The following ARHGEF26 variants were observed in gnomAD, a reference collection of about 807,000 sequenced individuals.
The protein encoded by ARHGEF26 is Rho guanine nucleotide exchange factor (GEF) 26.
A neutral mutation model predicts 89.4 loss-of-function variants in ARHGEF26; 59 were observed. That is an observed-to-expected ratio of 0.66 (90% CI 0.54 to 0.82). The LOEUF is 0.82. Among genes scored for constraint, ARHGEF26 ranks in the 40% least tolerant of loss-of-function variants. ARHGEF26 has a pLI of 0.00. For synonymous variants in ARHGEF26, 500 were observed against 428.4 expected, an observed-to-expected ratio of 1.17 and a Z score of -2.06; for missense variants, 1,234 against 1,085.6, an observed-to-expected ratio of 1.14 and a Z score of -1.92.
At chr3:154,186,096 T>C (rs1451073269) in intron 6 of ARHGEF26, among the ~76,000 whole-genome samples, 1 of 151,456 alleles carries the variant, frequency 6.6e-6, no homozygotes, top group African/African-American at 2.4e-5. Context: ...TCTTCTGTTT[T>C]GGTTCAAGTA....
At chr3:154,204,802 T>G (rs764599642) in intron 9 of ARHGEF26, among the ~76,000 whole-genome samples, 1 of 152,218 alleles carries the variant, frequency 6.6e-6, no homozygotes, top group African/African-American at 2.4e-5. Context: ...AGCATATTTT[T>G]TAATTTCTAT....
intron 6 of ARHGEF26, among the ~76,000 whole-genome samples, chr3:154,171,455 G>T (rs753070701): frequency 3.3e-5 from 5 of 152,172 alleles, no homozygotes; most frequent in Admixed American, 6.5e-5. Flanking sequence ...AATGGCATGT[G>T]TTCATCATTA....
intron 4 of ARHGEF26, among the ~76,000 whole-genome samples, chr3:154,135,019 G>A (rs964670407): frequency 2.0e-5 from 3 of 152,108 alleles, no homozygotes; most frequent in African/African-American, 7.2e-5. Context: ...TGTTCATTAA[G>A]GATATTGGCT....
At chr3:154,240,662 A>G in intron 12 of ARHGEF26, 83 bp downstream of exon 12, 1 of 1,248,570 alleles carries the variant, frequency 8.0e-7, no homozygotes, top group South Asian at 1.5e-5. Flanking sequence ...CTTCCTAAAA[A>G]CAGCAGCTAC....
intron 8 of ARHGEF26, among the ~76,000 whole-genome samples, chr3:154,191,741 G>A (rs1713971404): frequency 1.3e-5 from 2 of 152,144 alleles, no homozygotes; most frequent in African/African-American, 2.4e-5. Context: ...CATTAGGCAT[G>A]TGACCTTGAG....
At chr3:154,254,089 G>A (rs1718329873) in intron 13 of ARHGEF26, among the ~76,000 whole-genome samples, 1 of 152,078 alleles carries the variant, frequency 6.6e-6, no homozygotes, top group Non-Finnish European at 1.5e-5. Flanking sequence ...CTAATTTTTT[G>A]TATTTTTAGT....
chr3:154,225,946 A>G lies in ARHGEF26; in HGVS notation c.2026A>G (p.Thr676Ala). The change falls in exon 11 of 15, where the codon ACA becomes GCA. Residue 676 changes from threonine (T) to alanine (A), a missense_variant. Thr to Ala is a moderately conservative substitution (Grantham distance 58, BLOSUM62 0). Transcript: ENST00000465093. ...AGACACTGTGCTTTTCTCAAGAAGG[A>G]CATCCAAACAGCAAGTCTACTTCTT... is the stretch of plus-strand genomic sequence containing the variant. ...VEDTVLFSRR[T>A]SKQQVYFFLF... 1 of 1,613,448 alleles carries G rather than the reference A, an allele frequency of 6.2e-7. No individual in the cohort carries two copies. Among genetic ancestry groups the G allele is most frequent in the Non-Finnish European group, 8.5e-7 (1 of 1,179,632 alleles).
chr3:154,122,817 C>T lies in ARHGEF26; in HGVS notation c.825C>T (p.Leu275=), dbSNP rs779100321. ...AAAATGTGGAGCCCCACAAGAGACTCCTCAAGGTGCGCAGCATGGTGGAGG... is the reference window on the plus strand; with the variant it reads ...AAAATGTGGAGCCCCACAAGAGACTTCTCAAGGTGCGCAGCATGGTGGAGG... ...NNQNVEPHKR[L]LKVRSMVEGL... is the part of the protein sequence containing the mutation. The change falls in exon 2 of 15, where the codon CTC becomes CTT. Residue 275 remains leucine, a synonymous_variant. Coordinates refer to ENST00000465093, the MANE Select transcript of ARHGEF26 (RefSeq NM_015595.4). 6.2e-7 allele frequency: 1 copy of T among 1,612,438 alleles called. No individual in the cohort carries two copies. The highest frequency in any genetic ancestry group is 1.1e-5 in the South Asian group (1 of 90,706).
At chr3:154,130,162 T>TTTTTTTG (rs1240035123) in intron 4 of ARHGEF26, among the ~76,000 whole-genome samples, 2 of 148,796 alleles carry the variant, frequency 1.3e-5, no homozygotes, top group African/African-American at 5.0e-5. Context: ...TTTTTTTTTT[T>TTTTTTTG]TTGAGATGAG....
intron 7 of ARHGEF26, among the ~76,000 whole-genome samples, chr3:154,188,839 A>G (rs1282555479): frequency 6.6e-6 from 1 of 152,116 alleles, no homozygotes; most frequent in Non-Finnish European, 1.5e-5. Flanking sequence ...TCATATAGCC[A>G]GGGTGGAAAA....
chr3:154,225,871 T>A lies in ARHGEF26; in HGVS notation c.1951T>A (p.Ser651Thr), dbSNP rs762249413. The A allele has an allele frequency of 1.2e-6, 2 of 1,604,800 alleles. No homozygotes were observed. Among genetic ancestry groups the A allele is most frequent in the Non-Finnish European group, 1.7e-6 (2 of 1,176,860 alleles). The change falls in exon 11 of 15, where the codon TCC becomes ACC. Residue 651 changes from serine to threonine, a missense_variant. Physicochemically the swap from Ser to Thr is moderately conservative, Grantham distance 58. Transcript: ENST00000465093. ...EFKIKPFPLV[S>T]SSRWLVKRGE... ...CCTTTTGTAGCCTTTTCCTTTAGTC[T>A]CCTCTTCCCGGTGGTTGGTAAAAAG...
Position 154,191,351 on chromosome 3 carries a change from A to G in ARHGEF26, c.1703A>G (p.Asn568Ser), listed in dbSNP as rs1170654348. ...ATTGAGTCCCATGAAGACTGTAGGA[A>G]CTTACCCATGATCTCTTTTCTCATT... ...SRIESHEDCR[N>S]LPMISFLILP... The change falls in exon 8 of 15, where the codon AAC (asparagine) becomes AGC (serine). Residue 568 changes from asparagine to serine, a missense_variant. Physicochemically the swap from Asn to Ser is conservative, Grantham distance 46. Transcript: ENST00000465093. The G allele has an allele frequency of 6.2e-7, 1 of 1,613,784 alleles. No individual in the cohort carries two copies. Among genetic ancestry groups the G allele is most frequent in the Admixed American group, 1.7e-5 (1 of 60,012 alleles).
intron 12 of ARHGEF26, among the ~76,000 whole-genome samples, chr3:154,250,317 C>G (rs1254417148): frequency 1.3e-5 from 2 of 152,148 alleles, no homozygotes; most frequent in Non-Finnish European, 2.9e-5. Context: ...GTGAGCCGCC[C>G]CGCCCGGCCT....
intron 6 of ARHGEF26, among the ~76,000 whole-genome samples, chr3:154,170,464 C>G (rs944320271): frequency 2.6e-5 from 4 of 152,196 alleles, no homozygotes; most frequent in Non-Finnish European, 5.9e-5. Flanking sequence ...TATAAAACAT[C>G]ATAACAATTG....
At chr3:154,224,255 T>C (rs187692687) in intron 10 of ARHGEF26, among the ~76,000 whole-genome samples, 3 of 152,304 alleles carry the variant, frequency 2.0e-5, no homozygotes, top group African/African-American at 7.2e-5. Flanking sequence ...ATCTGAAACA[T>C]AAACTATATA....
intron 6 of ARHGEF26, among the ~76,000 whole-genome samples, chr3:154,157,730 A>G (rs558966783): frequency 6.0e-4 from 91 of 152,174 alleles, no homozygotes; most frequent in African/African-American, 2.0e-3. Flanking sequence ...CTGGTTGACT[A>G]TCATTGGAAA....
At chr3:154,154,566 C>T (rs1390077604) in intron 6 of ARHGEF26, among the ~76,000 whole-genome samples, 1 of 83,582 alleles carries the variant, frequency 1.2e-5, no homozygotes, top group Non-Finnish European at 3.5e-5. Context: ...ATCCTATTCT[C>T]TTCCCATATA....
intron 7 of ARHGEF26, among the ~76,000 whole-genome samples, chr3:154,189,390 TG>T (rs1713805201): frequency 7.1e-6 from 1 of 140,358 alleles, no homozygotes; most frequent in Non-Finnish European, 1.5e-5. Flanking sequence ...CAGGCTGGAG[TG>T]CAGTGGCGCA....
chr3:154,124,372 C>CTTTTTTTTTTTTTTTTTTCTT, intron 2 of ARHGEF26, 38 bp from the exon 3 acceptor site: 4 of 1,007,764 alleles, frequency 4.0e-6, no homozygotes, highest in South Asian at 1.9e-5. Context: ...TTTGCTTTTC[C>CTTTTTTTTTTTTTTTTTTCTT]TTTTTTTTTT....
Sources: gnomAD v4.1 joint callset for allele counts (sites outside exome capture counted in the v4.1 genomes callset) on GRCh38, gnomAD v4.1.1 for gene constraint, MANE v1.5 for transcripts, NCBI Gene and HGNC (gene_info 2026-07-23, HGNC 2026-07-21) for gene names.